The following CDH13 variants were observed in gnomAD, a reference collection of about 807,000 sequenced individuals.
CDH13 encodes cadherin-13.
In CDH13, 24 loss-of-function variants were observed where a neutral mutation model predicts 63.8. The observed-to-expected ratio is 0.38, with a 90% CI of 0.27 to 0.53. The LOEUF (loss-of-function observed/expected upper bound fraction) is 0.53. Ranked by LOEUF, CDH13 falls within the 20% of genes least tolerant of loss-of-function variation. The pLI is 0.85. For synonymous variants in CDH13, 503 were observed against 355.3 expected, an observed-to-expected ratio of 1.42 and a Z score of -4.67; for missense variants, 1,049 against 903.1, an observed-to-expected ratio of 1.16 and a Z score of -2.07.
chr16:82,687,317 T>C (rs1416870572), intron 1 of CDH13, among the ~76,000 whole-genome samples: 1 of 152,162 alleles, frequency 6.6e-6, no homozygotes, highest in Non-Finnish European at 1.5e-5. Context: ...TTCCAATTTA[T>C]AGCAAGATGT....
At chr16:82,894,734 G>C (rs1213550785) in intron 2 of CDH13, among the ~76,000 whole-genome samples, 1 of 152,240 alleles carries the variant, frequency 6.6e-6, no homozygotes, top group Non-Finnish European at 1.5e-5. Flanking sequence ...GGGAAGTAAT[G>C]GGAAGGCTGT....
At chr16:83,162,687 C>G (rs1360211186) in intron 4 of CDH13, among the ~76,000 whole-genome samples, 1 of 152,000 alleles carries the variant, frequency 6.6e-6, no homozygotes, top group Non-Finnish European at 1.5e-5. Context: ...AAAGAAGGCC[C>G]TACACCACTA....
intron 3 of CDH13, among the ~76,000 whole-genome samples, chr16:83,108,956 C>T (rs1339530482): frequency 6.6e-6 from 1 of 152,156 alleles, no homozygotes; most frequent in Admixed American, 6.5e-5. Flanking sequence ...CATCAGCTCC[C>T]TTCCCCTCCC....
chr16:82,663,561 C>A (rs1418885941), intron 1 of CDH13, among the ~76,000 whole-genome samples: 1 of 152,198 alleles, frequency 6.6e-6, no homozygotes, highest in Non-Finnish European at 1.5e-5. Flanking sequence ...TAGCCAGATC[C>A]CATTTGTCCT....
intron 3 of CDH13, among the ~76,000 whole-genome samples, chr16:83,113,106 C>G (rs1210067009): frequency 2.6e-5 from 4 of 152,158 alleles, no homozygotes; most frequent in African/African-American, 9.7e-5. Flanking sequence ...CCATGCAACT[C>G]CAGAAAACAA....
intron 1 of CDH13, among the ~76,000 whole-genome samples, chr16:82,748,748 G>C (rs1261569878): frequency 6.6e-6 from 1 of 152,156 alleles, no homozygotes; most frequent in Admixed American, 6.5e-5. Context: ...AGTACTAGAT[G>C]ATCTCCTATA....
intron 10 of CDH13, chr16:83,716,928 G>C (rs546579697): frequency 6.6e-6 from 1 of 152,002 alleles, no homozygotes; most frequent in Non-Finnish European, 1.5e-5. Context: ...TTTGAAATGG[G>C]GTAACAGCCA....
chr16:83,074,933 A>C (rs1349718464), intron 3 of CDH13, among the ~76,000 whole-genome samples: 1 of 152,228 alleles, frequency 6.6e-6, no homozygotes, highest in East Asian at 1.9e-4. Context: ...AATGAGGCTC[A>C]CTTCTGAGGA....
At chr16:83,341,509 A>G (rs2090721738) in intron 5 of CDH13, among the ~76,000 whole-genome samples, 1 of 152,218 alleles carries the variant, frequency 6.6e-6, no homozygotes, top group Non-Finnish European at 1.5e-5. Context: ...CACATCATTA[A>G]TAAGATGATT....
intron 5 of CDH13, among the ~76,000 whole-genome samples, chr16:83,220,696 C>A (rs2039672413): frequency 6.7e-6 from 1 of 150,332 alleles, no homozygotes; most frequent in Middle Eastern, 3.5e-3. Context: ...AGAGAGCCTG[C>A]AGGTGAATGT....
chr16:83,058,163 C>T (rs1428366903), intron 3 of CDH13, among the ~76,000 whole-genome samples: 1 of 152,086 alleles, frequency 6.6e-6, no homozygotes, highest in Non-Finnish European at 1.5e-5. Context: ...TGAGTTACGT[C>T]TTTTATCGGG....
intron 1 of CDH13, chr16:82,719,298 G>T: frequency 2.2e-6 from 1 of 451,608 alleles, no homozygotes; most frequent in South Asian, 1.6e-5. Context: ...GACAGGTGGT[G>T]TGGAGATGCA....
intron 6 of CDH13, among the ~76,000 whole-genome samples, chr16:83,445,403 G>A (rs1219745233): frequency 6.6e-6 from 1 of 151,908 alleles, no homozygotes; most frequent in Admixed American, 6.6e-5. Flanking sequence ...ATGAATTTCT[G>A]GCCTAGAAAA....
intron 5 of CDH13, among the ~76,000 whole-genome samples, chr16:83,235,071 G>A (rs867763021): frequency 1.3e-5 from 2 of 152,178 alleles, no homozygotes; most frequent in Non-Finnish European, 2.9e-5. Flanking sequence ...ACGGTGTGAT[G>A]TTATGCACCT....
intron 3 of CDH13, among the ~76,000 whole-genome samples, chr16:83,117,468 A>T (rs897462143): frequency 6.6e-6 from 1 of 151,858 alleles, no homozygotes. Context: ...CCCCCTGAGC[A>T]CTTCCAGCCC....
intron 3 of CDH13, among the ~76,000 whole-genome samples, chr16:83,048,937 C>T (rs78287691): frequency 6.6e-6 from 1 of 152,086 alleles, no homozygotes; most frequent in South Asian, 2.1e-4. Flanking sequence ...CAAGTTCATA[C>T]CTTAATACTC....
chr16:82,956,515 G>T (rs916820679), intron 2 of CDH13, among the ~76,000 whole-genome samples: 3 of 152,080 alleles, frequency 2.0e-5, no homozygotes, highest in Non-Finnish European at 2.9e-5. Flanking sequence ...GCAGCTGAAG[G>T]ATTATTTTCA....
At chr16:83,505,301 T>A (rs116165956) in intron 7 of CDH13, among the ~76,000 whole-genome samples, 3,726 of 152,244 alleles carry the variant, frequency 0.024, 155 homozygotes, top group African/African-American at 0.084. Context: ...TAATTCAATC[T>A]ATCCTCACCT....
chr16:83,607,669 A>G (rs1245524334), intron 8 of CDH13, among the ~76,000 whole-genome samples: 4 of 152,216 alleles, frequency 2.6e-5, no homozygotes, highest in Admixed American at 6.5e-5. Flanking sequence ...ATTTTCAGTC[A>G]TTGATGTTCA....
Sources: gnomAD v4.1 joint callset for allele counts (sites outside exome capture counted in the v4.1 genomes callset) on GRCh38, gnomAD v4.1.1 for gene constraint, MANE v1.5 for transcripts, NCBI Gene and HGNC (gene_info 2026-07-23, HGNC 2026-07-21) for gene names.